CDH13: variants seen among roughly 807,000 people sequenced by gnomAD.
CDH13 encodes cadherin-13.
Under a neutral mutation model 63.8 loss-of-function variants are expected in CDH13, and 24 were observed. The ratio of observed to expected loss-of-function variants is 0.38; its 90% CI spans 0.27 to 0.53. CDH13 has a LOEUF of 0.53. Ranked by LOEUF, CDH13 falls within the 20% of genes least tolerant of loss-of-function variation. CDH13 has a pLI of 0.85. For synonymous variants in CDH13, 503 were observed against 355.3 expected, an observed-to-expected ratio of 1.42 and a Z score of -4.67; for missense variants, 1,049 against 903.1, an observed-to-expected ratio of 1.16 and a Z score of -2.07.
intron 7 of CDH13, among the ~76,000 whole-genome samples, chr16:83,528,094 C>A (rs2151628796): frequency 6.6e-6 from 1 of 152,296 alleles, no homozygotes; most frequent in East Asian, 1.9e-4. Context: ...ACCTACTTAG[C>A]CCCATCTGTA....
intron 2 of CDH13, chr16:82,953,646 C>T (rs1460546702): frequency 6.6e-6 from 1 of 152,086 alleles, no homozygotes; most frequent in East Asian, 1.9e-4. Context: ...ATTACTTAAT[C>T]TGTGCAGTTT....
chr16:83,113,912 G>A (rs538874907), intron 3 of CDH13, among the ~76,000 whole-genome samples: 41 of 152,262 alleles, frequency 2.7e-4, no homozygotes, highest in Admixed American at 1.2e-3. Flanking sequence ...AAACCCAGAG[G>A]CTTCATCCTT....
intron 1 of CDH13, chr16:82,637,532 G>GC (rs1908816916): frequency 7.0e-6 from 1 of 142,366 alleles, no homozygotes; most frequent in South Asian, 2.4e-4. Context: ...CCGGGTTCAC[G>GC]CCGTTCTCCT....
At chr16:83,582,579 GC>G (rs1905723170) in intron 7 of CDH13, among the ~76,000 whole-genome samples, 1 of 152,116 alleles carries the variant, frequency 6.6e-6, no homozygotes, top group South Asian at 2.1e-4. Flanking sequence ...TGAGGCTGCT[GC>G]CCATAAGGGT....
intron 3 of CDH13, among the ~76,000 whole-genome samples, chr16:83,081,482 T>A (rs2033249615): frequency 1.3e-5 from 2 of 152,220 alleles, no homozygotes; most frequent in Admixed American, 1.3e-4. Context: ...GCACAGAGTG[T>A]ACCACTTCAG....
At chr16:83,475,935 G>A (rs1598106829) in intron 6 of CDH13, among the ~76,000 whole-genome samples, 1 of 152,264 alleles carries the variant, frequency 6.6e-6, no homozygotes, top group African/African-American at 2.4e-5. Context: ...CCCTTAAATA[G>A]ATATAAATGA....
chr16:83,240,889 A>G (rs1459871162), intron 5 of CDH13, among the ~76,000 whole-genome samples: 1 of 152,034 alleles, frequency 6.6e-6, no homozygotes, highest in Non-Finnish European at 1.5e-5. Flanking sequence ...TATGCAGTAA[A>G]GTAGCATTAA....
At chr16:83,266,044 C>A (rs539441709) in intron 5 of CDH13, among the ~76,000 whole-genome samples, 1 of 152,242 alleles carries the variant, frequency 6.6e-6, no homozygotes, top group African/African-American at 2.4e-5. Flanking sequence ...TCAAGCGATT[C>A]TCCTGCCTCA....
chr16:83,555,884 C>T (rs9930750), intron 7 of CDH13, among the ~76,000 whole-genome samples: 48,028 of 151,974 alleles, frequency 0.32, 8,311 homozygotes, highest in East Asian at 0.4. Context: ...AAGAGTATTC[C>T]GTTCTGTTTC....
At chr16:83,029,503 G>A (rs534524586) in intron 2 of CDH13, among the ~76,000 whole-genome samples, 7 of 152,144 alleles carry the variant, frequency 4.6e-5, no homozygotes, top group Admixed American at 2.6e-4. Context: ...ATAGTAACCT[G>A]GATACTATAC....
chr16:83,084,061 G>A (rs1008556677), intron 3 of CDH13, among the ~76,000 whole-genome samples: 1 of 152,202 alleles, frequency 6.6e-6, no homozygotes, highest in African/African-American at 2.4e-5. Context: ...ACTGGCAGAA[G>A]AGGCTGTCCT....
intron 7 of CDH13, among the ~76,000 whole-genome samples, chr16:83,501,292 G>T (rs1322531187): frequency 2.6e-5 from 4 of 152,154 alleles, no homozygotes; most frequent in Admixed American, 6.5e-5. Context: ...CTGCTTATGG[G>T]CCTTAAAACT....
At chr16:82,877,676 T>A (rs2040549695) in intron 2 of CDH13, among the ~76,000 whole-genome samples, 1 of 152,118 alleles carries the variant, frequency 6.6e-6, no homozygotes, top group Admixed American at 6.5e-5. Context: ...GATGTGAAAA[T>A]GCACAGTAAA....
At chr16:83,252,152 A>ATATG (rs2151826319) in intron 5 of CDH13, among the ~76,000 whole-genome samples, 1 of 130,428 alleles carries the variant, frequency 7.7e-6, no homozygotes, top group South Asian at 2.5e-4. Flanking sequence ...ATATATATAT[A>ATATG]TCTTTAAGTT....
chr16:82,736,281 G>C (rs2033670223), intron 1 of CDH13, among the ~76,000 whole-genome samples: 1 of 152,060 alleles, frequency 6.6e-6, no homozygotes. Context: ...TATAATCCTT[G>C]AAACATGTTT....
rs915225784 is a variant in CDH13 at position 83,106,745 on chromosome 16, A to T, written c.367-18640A>T. Among the ~76,000 whole-genome samples the T allele has an allele frequency of 1.3e-5, 2 of 152,206 alleles. 1 individual carries two copies. The highest frequency in any genetic ancestry group is 2.9e-5 in the Non-Finnish European group (2 of 68,046). On this transcript the variant is annotated intron_variant, in intron 3 of 13. Coordinates refer to ENST00000567109, the MANE Select transcript of CDH13 (RefSeq NM_001257.5). ...AAAACTGCTCACACCCTTCCACTTC[A>T]ACTTAAACAAAAAGTATATTACAAC...
intron 1 of CDH13, among the ~76,000 whole-genome samples, chr16:82,771,495 G>C (rs1489431510): frequency 6.6e-6 from 1 of 152,162 alleles, no homozygotes; most frequent in Non-Finnish European, 1.5e-5. Context: ...ATTACAGCTC[G>C]CTTCACCACA....
intron 3 of CDH13, among the ~76,000 whole-genome samples, chr16:83,035,156 G>C (rs140543715): frequency 7.8e-4 from 119 of 152,292 alleles, no homozygotes; most frequent in African/African-American, 2.6e-3. Context: ...CCTCTGAAGA[G>C]AGCACATACC....
chr16:83,101,085 G>A (rs985434138), intron 3 of CDH13, among the ~76,000 whole-genome samples: 6 of 151,954 alleles, frequency 3.9e-5, no homozygotes, highest in African/African-American at 4.8e-5. Flanking sequence ...GCCAGACACT[G>A]GTCTAGGCAC....
Sources: gnomAD v4.1 joint callset for allele counts (sites outside exome capture counted in the v4.1 genomes callset) on GRCh38, gnomAD v4.1.1 for gene constraint, MANE v1.5 for transcripts, NCBI Gene and HGNC (gene_info 2026-07-23, HGNC 2026-07-21) for gene names.